Variants in NSD2 observed in about 807,000 individuals in gnomAD.
NSD2 encodes nuclear receptor binding SET domain protein 2.
NSD2 carries 12 observed loss-of-function variants against 139.0 expected under a neutral mutation model. The observed-to-expected ratio is 0.09, with a 90% CI of 0.06 to 0.14. NSD2 has a LOEUF of 0.14. NSD2 is among the 10% of genes least tolerant of loss of function. NSD2 has a pLI of 1.00. For synonymous variants in NSD2, 669 were observed against 648.7 expected (o/e 1.03, Z -0.48); for missense variants, 1,155 against 1,745.0 (o/e 0.66, Z 6.02).
intron 5 of NSD2, among the ~76,000 whole-genome samples, chr4:1,923,487 G>A (rs1420038330): frequency 6.6e-6 from 1 of 152,200 alleles, no homozygotes; most frequent in Non-Finnish European, 1.5e-5. Context: ...CCAGGAAGCT[G>A]TATGTTACGA....
intron 5 of NSD2, among the ~76,000 whole-genome samples, chr4:1,920,717 C>G (rs1720003636): frequency 6.6e-6 from 1 of 151,412 alleles, no homozygotes; most frequent in Non-Finnish European, 1.5e-5. Context: ...GCTTAGGTGA[C>G]AGAGTGAGAC....
At chr4:1,885,407 T>C (rs934100257) in intron 1 of NSD2, among the ~76,000 whole-genome samples, 1 of 152,234 alleles carries the variant, frequency 6.6e-6, no homozygotes, top group Non-Finnish European at 1.5e-5. Flanking sequence ...GAATGAACTG[T>C]GATCATTGCC....
In NSD2 at chr4:1,900,739, G is replaced by A. The variant is rs754895784; in HGVS notation, c.85G>A (p.Gly29Ser). ...GATGAAGCAGGCACCAGAAATCCTCGGCAGTGCCAACGGGAAGACTCCGAG... is the reference window on the plus strand; with the variant it reads ...GATGAAGCAGGCACCAGAAATCCTCAGCAGTGCCAACGGGAAGACTCCGAG... ...IKMKQAPEIL[G>S]SANGKTPSCE... Residue 29 changes from glycine to serine, a missense_variant, in exon 2 of 22, where the codon GGC becomes AGC. Physicochemically the swap from Gly to Ser is moderately conservative, Grantham distance 56. Coordinates refer to ENST00000508803, the MANE Select transcript of NSD2 (RefSeq NM_001042424.3). 24 of 1,614,042 alleles carry A rather than the reference G, an allele frequency of 1.5e-5. No homozygotes were observed. The highest frequency in any genetic ancestry group is 1.6e-4 in the Middle Eastern group (1 of 6,062).
chr4:1,875,780 A>T (rs1714208527), intron 1 of NSD2, among the ~76,000 whole-genome samples: 1 of 149,216 alleles, frequency 6.7e-6, no homozygotes, highest in Non-Finnish European at 1.5e-5. Flanking sequence ...ATGGTGGTGG[A>T]CGCCTGTAGT....
chr4:1,943,392 G>A (rs761579836), intron 9 of NSD2: 2 of 1,042,066 alleles, frequency 1.9e-6, no homozygotes, highest in East Asian at 1.1e-4. Flanking sequence ...GTGGTTTCCT[G>A]TTGTGACAGT....
chr4:1,890,305 T>C (rs1715430499), intron 1 of NSD2, among the ~76,000 whole-genome samples: 1 of 152,008 alleles, frequency 6.6e-6, no homozygotes, highest in African/African-American at 2.4e-5. Context: ...TTTTGTTTTT[T>C]GTTTTTTTTT....
chr4:1,905,382 G>A (rs1717754724), intron 3 of NSD2, among the ~76,000 whole-genome samples: 1 of 152,204 alleles, frequency 6.6e-6, no homozygotes. Flanking sequence ...CTAGAGTCAG[G>A]CCAGACTAGG....
At chr4:1,899,470 C>T (rs1173952193) in intron 1 of NSD2, 2 of 152,214 alleles carry the variant, frequency 1.3e-5, no homozygotes, top group Non-Finnish European at 2.9e-5. Context: ...GGAACAAAAT[C>T]CTCCCCATTT....
intron 8 of NSD2, 121 bp downstream of exon 8, chr4:1,938,653 A>G (rs1722750448): frequency 1.4e-6 from 1 of 705,834 alleles, no homozygotes; most frequent in African/African-American, 1.8e-5. Flanking sequence ...GCAGGGGAGG[A>G]ATCCACAATT....
chr4:1,943,594 G>A (rs961769567), intron 9 of NSD2: 2 of 1,049,740 alleles, frequency 1.9e-6, no homozygotes, highest in Non-Finnish European at 2.3e-6. Context: ...GTATGGCTGA[G>A]GGCTGGTTGG....
chr4:1,935,860 CA>C (rs201785293), intron 7 of NSD2, among the ~76,000 whole-genome samples: 1 of 148,380 alleles, frequency 6.7e-6, no homozygotes. Flanking sequence ...GATTCTGTCT[CA>C]AAAAAAAACA....
chr4:1,977,897 T>A (rs1445643602), intron 21 of NSD2, among the ~76,000 whole-genome samples: 1 of 151,416 alleles, frequency 6.6e-6, no homozygotes, highest in African/African-American at 2.4e-5. Context: ...GAGGCCAAGG[T>A]GGATGGATCA....
At chr4:1,924,953 T>C (rs555213655) in intron 5 of NSD2, among the ~76,000 whole-genome samples, 2 of 152,226 alleles carry the variant, frequency 1.3e-5, no homozygotes, top group East Asian at 1.9e-4. Flanking sequence ...AATTGAGCTC[T>C]GTGTTAATGT....
chr4:1,924,371 C>T (rs1464642931), intron 5 of NSD2, among the ~76,000 whole-genome samples: 2 of 151,894 alleles, frequency 1.3e-5, no homozygotes, highest in African/African-American at 2.4e-5. Context: ...GGGTGGGAAC[C>T]GCCCCGTCAG....
intron 5 of NSD2, among the ~76,000 whole-genome samples, chr4:1,924,512 G>C (rs931469880): frequency 1.3e-5 from 2 of 152,162 alleles, no homozygotes; most frequent in African/African-American, 4.8e-5. Flanking sequence ...GACCCAAATT[G>C]ATCTCAGATG....
intron 18 of NSD2, among the ~76,000 whole-genome samples, chr4:1,966,336 CCATT>C (rs1169653817): frequency 2.8e-5 from 4 of 141,190 alleles, no homozygotes; most frequent in African/African-American, 5.3e-5. Context: ...GTTTATAACT[CCATT>C]TGTTTGTTTG....
Position 1,898,584 on chromosome 4 carries a change from C to T in NSD2, c.-29-2042C>T, listed in dbSNP as rs182787950. Among the ~76,000 whole-genome samples, 1,258 of 150,176 alleles carry T rather than the reference C, an allele frequency of 8.4e-3. 10 individuals carry two copies. Among genetic ancestry groups the T allele is most frequent in the Non-Finnish European group, 0.014 (944 of 67,748 alleles). Reference sequence around the variant, plus strand: ...GAGGGTGAGGCAGGAGAATTGAACCCGGGAGGTGGAGGTTGCAGTGAGCTG... The same window carrying T: ...GAGGGTGAGGCAGGAGAATTGAACCTGGGAGGTGGAGGTTGCAGTGAGCTG... On this transcript the variant is annotated intron_variant, in intron 1 of 21. Coordinates refer to ENST00000508803, the MANE Select transcript of NSD2 (RefSeq NM_001042424.3).
chr4:1,900,679 C>T lies in NSD2; in HGVS notation c.25C>T (p.Pro9Ser). The change falls in exon 2 of 22, where the codon CCC becomes TCC. Residue 9 changes from proline to serine, a missense_variant. Coordinates refer to ENST00000508803, the MANE Select transcript of NSD2 (RefSeq NM_001042424.3). MEFSIKQS[P>S]LSVQSVVKCI... ...GATGGAATTTAGCATCAAGCAGAGT[C>T]CCCTTTCTGTTCAGAGTGTTGTAAA... 1.3e-6 allele frequency: 2 copies of T among 1,599,324 alleles called. No individual in the cohort carries two copies. The highest frequency in any genetic ancestry group is 1.7e-6 in the Non-Finnish European group (2 of 1,171,042).
intron 6 of NSD2, among the ~76,000 whole-genome samples, chr4:1,931,756 C>T (rs1009000751): frequency 1.3e-5 from 2 of 152,160 alleles, no homozygotes; most frequent in Admixed American, 1.3e-4. Context: ...TCAACTTCCT[C>T]AGTGTTCATT....
Sources: gnomAD v4.1 joint callset for allele counts (sites outside exome capture counted in the v4.1 genomes callset) on GRCh38, gnomAD v4.1.1 for gene constraint, MANE v1.5 for transcripts, NCBI Gene and HGNC (gene_info 2026-07-23, HGNC 2026-07-21) for gene names.